GRIA3: variants seen among roughly 807,000 people sequenced by gnomAD.
GRIA3 encodes glutamate receptor 3.
A neutral mutation model predicts 63.0 loss-of-function variants in GRIA3; 3 were observed. The ratio of observed to expected loss-of-function variants is 0.05; its 90% CI spans 0.02 to 0.12. GRIA3 has a LOEUF of 0.12. GRIA3 is among the 10% of genes least tolerant of loss of function. GRIA3 has a pLI of 1.00. For synonymous variants in GRIA3, 274 were observed against 257.9 expected, an observed-to-expected ratio of 1.06 and a Z score of -0.60; for missense variants, 347 against 700.9, an observed-to-expected ratio of 0.50 and a Z score of 5.70.
intron 5 of GRIA3, among the ~76,000 whole-genome samples, chrX:123,367,836 C>G (rs2045222265): frequency 8.9e-6 from 1 of 112,017 alleles, no homozygotes; most frequent in Middle Eastern, 4.7e-3. Flanking sequence ...AAAGTCAGAA[C>G]AAACTAAAAA....
intron 2 of GRIA3, among the ~76,000 whole-genome samples, chrX:123,242,168 A>G (rs1351842859): frequency 8.9e-6 from 1 of 112,158 alleles, no homozygotes; most frequent in East Asian, 2.8e-4. Context: ...TATTACTTAT[A>G]TATGGTTTTG....
At chrX:123,253,990 A>G (rs977648829) in intron 3 of GRIA3, among the ~76,000 whole-genome samples, 1 of 112,026 alleles carries the variant, frequency 8.9e-6, no homozygotes, top group African/African-American at 3.2e-5. Flanking sequence ...TTTCACCACT[A>G]AAATGGGACT....
At chrX:123,312,752 T>C (rs1276776556) in intron 3 of GRIA3, among the ~76,000 whole-genome samples, 1 of 112,379 alleles carries the variant, frequency 8.9e-6, no homozygotes, top group Admixed American at 9.4e-5. Context: ...GACATTCCTA[T>C]TGGATTTTAA....
intron 2 of GRIA3, among the ~76,000 whole-genome samples, chrX:123,211,709 T>C (rs1043579683): frequency 6.2e-5 from 7 of 112,033 alleles, no homozygotes; most frequent in African/African-American, 1.9e-4. Flanking sequence ...TTATGCAAAG[T>C]TGTAAGAGTC....
chrX:123,317,476 T>C (rs951565866), intron 3 of GRIA3, among the ~76,000 whole-genome samples: 2 of 112,273 alleles, frequency 1.8e-5, no homozygotes, highest in African/African-American at 6.5e-5. Context: ...GCTTCTTAGA[T>C]ACAATGGAGG....
intron 12 of GRIA3, among the ~76,000 whole-genome samples, chrX:123,462,837 A>G (rs1260933418): frequency 1.8e-5 from 2 of 112,086 alleles, no homozygotes; most frequent in East Asian, 2.8e-4. Context: ...GGTTTCTGCC[A>G]TGCTATCTCA....
intron 5 of GRIA3, among the ~76,000 whole-genome samples, chrX:123,372,145 A>G (rs1166539084): frequency 8.9e-6 from 1 of 112,108 alleles, no homozygotes; most frequent in Non-Finnish European, 1.9e-5. Context: ...TCTTTTCCCC[A>G]ATATATGTTC....
intron 5 of GRIA3, among the ~76,000 whole-genome samples, chrX:123,362,765 A>T (rs754051789): frequency 9.0e-6 from 1 of 111,102 alleles, no homozygotes; most frequent in East Asian, 2.8e-4. Flanking sequence ...CTATTTCCCC[A>T]TTAATAGAAC....
intron 4 of GRIA3, among the ~76,000 whole-genome samples, chrX:123,335,434 G>C (rs2044968283): frequency 9.0e-6 from 1 of 111,524 alleles, no homozygotes; most frequent in Non-Finnish European, 1.9e-5. Context: ...GATTAACTGA[G>C]ATTTGTTTGT....
chrX:123,349,986 G>T (rs1405747363), intron 4 of GRIA3, among the ~76,000 whole-genome samples: 4 of 110,960 alleles, frequency 3.6e-5, no homozygotes, highest in Non-Finnish European at 7.6e-5. Context: ...ATGTAAATAG[G>T]ATGCCATAGG....
At position 123,424,573 on chromosome X, in the gene GRIA3, T is replaced by C. The variant is rs1482811857; in HGVS notation, c.1878-3368T>C. Reference sequence around the variant, plus strand: ...CTCTGCTGAGGTATGCAGGTACTGTTATAGCATTTTTATGTGGGTAATCAC... The same window carrying C: ...CTCTGCTGAGGTATGCAGGTACTGTCATAGCATTTTTATGTGGGTAATCAC... On this transcript the variant is annotated intron_variant, in intron 11 of 15. Transcript: ENST00000620443. 2.7e-5 allele frequency among the ~76,000 whole-genome samples: 3 copies of C among 111,846 alleles called. No homozygotes were observed. In the Admixed American group the frequency reaches 2.9e-4, roughly 11 times the overall value.
At chrX:123,222,899 C>T (rs1029551120) in intron 2 of GRIA3, among the ~76,000 whole-genome samples, 1 of 112,323 alleles carries the variant, frequency 8.9e-6, no homozygotes, top group Non-Finnish European at 1.9e-5. Context: ...TGCTCAACAG[C>T]CTAACATCTT....
intron 2 of GRIA3, among the ~76,000 whole-genome samples, chrX:123,210,424 C>G (rs929782200): frequency 2.7e-5 from 3 of 111,340 alleles, no homozygotes; most frequent in Admixed American, 1.9e-4. Context: ...TTTATCCACT[C>G]AAAGTATCTC....
At chrX:123,247,869 C>CAG (rs909571625) in intron 2 of GRIA3, among the ~76,000 whole-genome samples, 2 of 109,252 alleles carry the variant, frequency 1.8e-5, no homozygotes, top group African/African-American at 3.3e-5. Context: ...GCAAAGTACA[C>CAG]AGAGAGAGAG....
intron 1 of GRIA3, 80 bp downstream of exon 1, chrX:123,184,724 G>T: frequency 1.4e-6 from 1 of 721,767 alleles, no homozygotes; most frequent in South Asian, 2.1e-5. Flanking sequence ...TCCCTGCGGT[G>T]GGTCCCTGTC....
rs912739756 is a variant in GRIA3 at position 123,184,826 on chromosome X, G to T, written c.109+182G>T. 4.4e-5 allele frequency: 22 copies of T among 501,913 alleles called. No homozygotes were observed. In the Admixed American group the frequency reaches 5.7e-4, roughly 13 times the overall value. 41.4% of individuals were successfully genotyped at this position (501,913 alleles called of 1,213,427 possible). The stretch of plus-strand genomic sequence containing the variant: ...GCGGGGGGAATCTGAGCCTCAACGA[G>T]GTGGCTGGTCTGAAGAGCCTCTGGG... On this transcript the variant is annotated intron_variant, in intron 1 of 15. Coordinates refer to ENST00000620443, the MANE Select transcript of GRIA3 (RefSeq NM_007325.5).
At chrX:123,252,638 A>G (rs2044397506) in intron 2 of GRIA3, among the ~76,000 whole-genome samples, 1 of 111,436 alleles carries the variant, frequency 9.0e-6, no homozygotes, top group African/African-American at 3.3e-5. Flanking sequence ...TATAAGATAC[A>G]TGCAAAAGGA....
chrX:123,377,243 G>T (rs1326162507), intron 5 of GRIA3, among the ~76,000 whole-genome samples: 1 of 111,302 alleles, frequency 9.0e-6, no homozygotes, highest in Non-Finnish European at 1.9e-5. Flanking sequence ...TCCTCTTTTC[G>T]TTCACTCTTT....
chrX:123,410,142 G>T (rs373764229), intron 10 of GRIA3, among the ~76,000 whole-genome samples: 1 of 111,245 alleles, frequency 9.0e-6, no homozygotes, highest in Admixed American at 9.6e-5. Context: ...GTTATCACTC[G>T]AAATATTTGA....
Sources: allele counts gnomAD v4.1 joint callset (sites outside exome capture counted in the v4.1 genomes callset), GRCh38; gene constraint gnomAD v4.1.1; transcripts MANE v1.5; gene names NCBI Gene and HGNC (gene_info 2026-07-23, HGNC 2026-07-21).